The following MDH1B variants were observed in gnomAD, a reference collection of about 807,000 sequenced individuals.
The protein encoded by MDH1B is putative malate dehydrogenase 1B.
A neutral mutation model predicts 61.4 loss-of-function variants in MDH1B; 60 were observed. The ratio of observed to expected loss-of-function variants is 0.98; its 90% CI spans 0.79 to 1.21. The LOEUF is 1.21. Among genes scored for constraint, MDH1B ranks in the 50% most tolerant of loss-of-function variants. The probability of loss-of-function intolerance (pLI) is 0.00; values close to 1 mark genes in which losing one functional copy is unlikely to be tolerated. For missense variants in MDH1B, 587 were observed against 632.1 expected, an observed-to-expected ratio of 0.93 and a Z score of 0.76; for synonymous variants, 236 against 218.7, an observed-to-expected ratio of 1.08 and a Z score of -0.70.
At chr2:206,755,589 G>A in intron 4 of MDH1B, 84 bp from the exon 5 acceptor site, 1 of 1,473,954 alleles carries the variant, frequency 6.8e-7, no homozygotes. Flanking sequence ...ATTTCTGCAT[G>A]TGCATCAATA....
At chr2:206,763,180 T>A (rs1052744954) in intron 1 of MDH1B, among the ~76,000 whole-genome samples, 8 of 151,892 alleles carry the variant, frequency 5.3e-5, no homozygotes, top group Non-Finnish European at 2.9e-5. Flanking sequence ...ATTTATTATG[T>A]CCATCTCCCT....
chr2:206,745,730 C>CTT (rs140066038), intron 8 of MDH1B, 57 bp from the exon 9 acceptor site: 7,651 of 742,000 alleles, frequency 0.01, 1 homozygote, highest in South Asian at 0.014. Flanking sequence ...CTTAATTCTT[C>CTT]TTTTTTTTTT....
chr2:206,742,902 A>G (rs776926040), intron 9 of MDH1B, among the ~76,000 whole-genome samples: 10 of 151,778 alleles, frequency 6.6e-5, no homozygotes, highest in Non-Finnish European at 1.5e-4. Flanking sequence ...TTTTTAGTAG[A>G]GACAGGGTTT....
chr2:206,752,442 T>C (rs1346836542), intron 5 of MDH1B, among the ~76,000 whole-genome samples: 1 of 151,786 alleles, frequency 6.6e-6, no homozygotes, highest in Non-Finnish European at 1.5e-5. Flanking sequence ...CCCGCCCCCA[T>C]CGGAATGATT....
chr2:206,748,036 A>G lies in MDH1B; in HGVS notation c.1216+984T>C, dbSNP rs142700732. 2.3e-3 allele frequency among the ~76,000 whole-genome samples: 343 copies of G among 152,350 alleles called. 2 individuals are homozygous for G. Among genetic ancestry groups the G allele is most frequent in the African/African-American group, 7.6e-3 (318 of 41,592 alleles). The stretch of plus-strand genomic sequence containing the variant: ...CCCAAAGGGAAGAGATGCTTCAGAT[A>G]GACCTTACAGATGACAGAACAGCAG... On this transcript the variant is annotated intron_variant, in intron 7 of 11. Coordinates refer to ENST00000374412, the MANE Select transcript of MDH1B (RefSeq NM_001039845.3).
intron 9 of MDH1B, among the ~76,000 whole-genome samples, chr2:206,743,925 T>G (rs1687949365): frequency 6.6e-6 from 1 of 152,196 alleles, no homozygotes. Flanking sequence ...CCTCTGGTCT[T>G]GGCTGTATGC....
intron 11 of MDH1B, among the ~76,000 whole-genome samples, chr2:206,739,191 G>A (rs568808765): frequency 1.3e-5 from 2 of 152,258 alleles, no homozygotes; most frequent in East Asian, 1.9e-4. Flanking sequence ...CAAAGTGGAT[G>A]GTCACTTGGG....
intron 10 of MDH1B, among the ~76,000 whole-genome samples, chr2:206,740,162 C>T (rs913581504): frequency 6.6e-6 from 1 of 152,122 alleles, no homozygotes; most frequent in African/African-American, 2.4e-5. Context: ...AGGTTACGGA[C>T]ACCATTCCTC....
At chr2:206,751,946 T>C (rs1688472404) in intron 5 of MDH1B, among the ~76,000 whole-genome samples, 1 of 152,212 alleles carries the variant, frequency 6.6e-6, no homozygotes, top group African/African-American at 2.4e-5. Flanking sequence ...TCTTCCCTCT[T>C]CTCCTGTATA....
At chr2:206,757,423 C>A in intron 2 of MDH1B, 52 bp from the exon 3 acceptor site, 1 of 1,566,324 alleles carries the variant, frequency 6.4e-7, no homozygotes, top group Non-Finnish European at 8.7e-7. Flanking sequence ...CCTGAGAATT[C>A]AATTTCATAC....
intron 2 of MDH1B, among the ~76,000 whole-genome samples, chr2:206,759,395 T>C (rs983452935): frequency 5.3e-5 from 8 of 152,158 alleles, no homozygotes; most frequent in Non-Finnish European, 1.2e-4. Context: ...TGATAGGCAT[T>C]TGGGTTGATT....
At position 206,765,283 on chromosome 2, in the gene MDH1B, A is replaced by T; in HGVS notation, c.-12T>A. ...ACGAATTTGGCCATGGTCGAGAGAGACTCAGAGGCAGGGACCGCGGCTTCG... is the reference window on the plus strand; with the variant it reads ...ACGAATTTGGCCATGGTCGAGAGAGTCTCAGAGGCAGGGACCGCGGCTTCG... On this transcript the variant is annotated 5_prime_UTR_variant, in exon 1 of 12. Transcript: ENST00000374412. The T allele has an allele frequency of 1.3e-6, 2 of 1,597,830 alleles. No homozygotes were observed. The highest frequency in any genetic ancestry group is 1.7e-6 in the Non-Finnish European group (2 of 1,174,642).
At chr2:206,760,408 G>A (rs1205829063) in intron 2 of MDH1B, among the ~76,000 whole-genome samples, 1 of 152,170 alleles carries the variant, frequency 6.6e-6, no homozygotes, top group Non-Finnish European at 1.5e-5. Flanking sequence ...GGGATCCGCT[G>A]AGCCCTCTGT....
At chr2:206,757,192 G>A in intron 3 of MDH1B, 45 bp downstream of exon 3, 1 of 1,557,528 alleles carries the variant, frequency 6.4e-7, no homozygotes. Context: ...ATAAAATAAT[G>A]TAAGAGAATT....
intron 11 of MDH1B, among the ~76,000 whole-genome samples, chr2:206,739,280 G>A (rs1050283587): frequency 1.3e-5 from 2 of 152,088 alleles, no homozygotes; most frequent in African/African-American, 4.8e-5. Flanking sequence ...GTTGGGAGTG[G>A]TGATGCATGC....
At position 206,755,068 on chromosome 2, in the gene MDH1B, A is replaced by G. The variant is rs149851373; in HGVS notation, c.851T>C (p.Leu284Pro). 9.9e-6 allele frequency: 16 copies of G among 1,614,192 alleles called. No individual in the cohort carries two copies. The African/African-American group carries it at 1.6e-4, about 16-fold the overall frequency. ...RIAHNIIAVALGVEGEAKAIL... is the reference protein window; with the variant it reads ...RIAHNIIAVAPGVEGEAKAIL... The stretch of plus-strand genomic sequence containing the variant: ...GGCTTTCGCTTCACCTTCCACCCCC[A>G]GCGCCACAGCAATAATGTTGTGTGC... The change falls in exon 5 of 12, where the codon CTG becomes CCG. Residue 284 changes from leucine to proline, a missense_variant. Coordinates refer to ENST00000374412, the MANE Select transcript of MDH1B (RefSeq NM_001039845.3).
intron 11 of MDH1B, 134 bp downstream of exon 11, chr2:206,739,458 AG>A: frequency 1.3e-6 from 1 of 777,368 alleles, no homozygotes; most frequent in Non-Finnish European, 2.1e-6. Flanking sequence ...TAAGCAACCA[AG>A]GCTGGGTCCC....
chr2:206,763,968 C>T (rs1051053325), intron 1 of MDH1B, among the ~76,000 whole-genome samples: 1 of 152,104 alleles, frequency 6.6e-6, no homozygotes, highest in Non-Finnish European at 1.5e-5. Flanking sequence ...GTGTGTTTTC[C>T]ACTGACTTCC....
intron 5 of MDH1B, among the ~76,000 whole-genome samples, chr2:206,754,405 T>C (rs1688637062): frequency 1.3e-5 from 2 of 152,354 alleles, no homozygotes; most frequent in Admixed American, 1.3e-4. Context: ...CCTATGATTC[T>C]GATATTTACC....
Sources: gnomAD v4.1 joint callset for allele counts (sites outside exome capture counted in the v4.1 genomes callset) on GRCh38, gnomAD v4.1.1 for gene constraint, MANE v1.5 for transcripts, NCBI Gene and HGNC (gene_info 2026-07-23, HGNC 2026-07-21) for gene names.